Variants in RARB observed in about 807,000 individuals in gnomAD.
The protein encoded by RARB is HBV-activated protein.
A neutral mutation model predicts 51.9 loss-of-function variants in RARB; 17 were observed. That is an observed-to-expected ratio of 0.33 (90% CI 0.22 to 0.49). The LOEUF is 0.49. RARB is among the 20% of genes least tolerant of loss of function. RARB has a pLI of 0.99. For missense variants in RARB, 369 were observed against 550.8 expected (o/e 0.67, Z 3.30); for synonymous variants, 215 against 195.4 (o/e 1.10, Z -0.84).
intron 5 of RARB, among the ~76,000 whole-genome samples, chr3:25,369,456 A>T (rs1706233231): frequency 6.6e-6 from 1 of 152,208 alleles, no homozygotes; most frequent in African/African-American, 2.4e-5. Context: ...GATTCTGTGG[A>T]TAAGTCAATG....
intron 2 of RARB, among the ~76,000 whole-genome samples, chr3:24,906,478 G>A (rs1694866664): frequency 1.3e-5 from 2 of 152,118 alleles, no homozygotes; most frequent in South Asian, 4.1e-4. Flanking sequence ...AGTGTGAATT[G>A]GAATACTGCC....
At chr3:25,281,504 G>A (rs1703521756) in intron 5 of RARB, among the ~76,000 whole-genome samples, 2 of 152,196 alleles carry the variant, frequency 1.3e-5, no homozygotes, top group South Asian at 4.1e-4. Flanking sequence ...CACTTAACCT[G>A]TGCTTAATTG....
intron 3 of RARB, among the ~76,000 whole-genome samples, chr3:25,065,807 G>T (rs911344240): frequency 1.3e-5 from 2 of 152,208 alleles, no homozygotes; most frequent in Admixed American, 1.3e-4. Context: ...GGAAGGCAAT[G>T]GTGGCCATTG....
intron 4 of RARB, among the ~76,000 whole-genome samples, chr3:25,167,815 G>A (rs1017377105): frequency 3.0e-4 from 45 of 152,276 alleles, no homozygotes; most frequent in African/African-American, 1.0e-3. Context: ...TCCACCAGCA[G>A]CCCCAGCCTT....
intron 3 of RARB, among the ~76,000 whole-genome samples, chr3:25,507,925 T>C (rs1488719922): frequency 6.6e-6 from 1 of 152,090 alleles, no homozygotes; most frequent in East Asian, 1.9e-4. Context: ...AGAAACACCA[T>C]GGAAGGTACT....
intron 5 of RARB, among the ~76,000 whole-genome samples, chr3:25,403,876 T>C (rs1434549872): frequency 2.5e-5 from 3 of 119,338 alleles, no homozygotes; most frequent in African/African-American, 7.0e-5. Flanking sequence ...AAGCTGTGAA[T>C]TTCTTTTTCT....
At chr3:25,022,807 A>C (rs1414390332) in intron 2 of RARB, among the ~76,000 whole-genome samples, 1 of 152,208 alleles carries the variant, frequency 6.6e-6, no homozygotes, top group Non-Finnish European at 1.5e-5. Context: ...AAGAAGCAGC[A>C]TGGTGGGAAA....
intron 5 of RARB, among the ~76,000 whole-genome samples, chr3:25,346,842 A>G (rs952541211): frequency 2.8e-4 from 43 of 152,048 alleles, no homozygotes; most frequent in Admixed American, 2.8e-3. Flanking sequence ...TTGAGGGCCT[A>G]TTGGGGGATC....
At chr3:25,147,123 T>C (rs1337957988) in intron 4 of RARB, among the ~76,000 whole-genome samples, 4 of 152,116 alleles carry the variant, frequency 2.6e-5, no homozygotes, top group African/African-American at 9.7e-5. Context: ...GAAGATAAAA[T>C]TCATTGGGGG....
At chr3:25,242,610 A>C (rs992544462) in intron 5 of RARB, among the ~76,000 whole-genome samples, 7 of 152,012 alleles carry the variant, frequency 4.6e-5, no homozygotes, top group African/African-American at 1.7e-4. Context: ...CAAAGATCAG[A>C]TGGTTGTAGA....
intron 4 of RARB, among the ~76,000 whole-genome samples, chr3:25,173,486 C>T (rs572350975): frequency 2.0e-5 from 3 of 152,228 alleles, no homozygotes; most frequent in Non-Finnish European, 4.4e-5. Flanking sequence ...AGAAGTGATA[C>T]ATAATATTTT....
chr3:25,513,962 C>A (rs1445969060), intron 3 of RARB, among the ~76,000 whole-genome samples: 1 of 152,134 alleles, frequency 6.6e-6, no homozygotes, highest in African/African-American at 2.4e-5. Context: ...AACCTTAGTG[C>A]CCAAAGACAA....
chr3:24,971,240 T>A (rs1476699709), intron 2 of RARB, among the ~76,000 whole-genome samples: 1 of 151,992 alleles, frequency 6.6e-6, no homozygotes, highest in Non-Finnish European at 1.5e-5. Context: ...ATGGTTACCA[T>A]TATTATTCTT....
At chr3:25,430,592 T>G (rs1212668838) in intron 1 of RARB, among the ~76,000 whole-genome samples, 2 of 152,228 alleles carry the variant, frequency 1.3e-5, no homozygotes, top group Admixed American at 1.3e-4. Flanking sequence ...GGGAAAAGCT[T>G]TGTTTGTTCT....
chr3:25,539,563 AT>A (rs1334442183), intron 3 of RARB, among the ~76,000 whole-genome samples: 2 of 52,624 alleles, frequency 3.8e-5, no homozygotes, highest in Non-Finnish European at 7.3e-5. Flanking sequence ...TTTTTGGCCT[AT>A]TTTTTCCCCT....
intron 5 of RARB, among the ~76,000 whole-genome samples, chr3:25,344,119 C>G (rs982000993): frequency 6.6e-6 from 1 of 152,124 alleles, no homozygotes; most frequent in Admixed American, 6.5e-5. Context: ...TGTCACTTCT[C>G]CAAACTAATT....
Position 25,303,762 on chromosome 3 carries a change from T to A in RARB, c.178+129187T>A, listed in dbSNP as rs149025838. Reference sequence around the variant, plus strand: ...ATCACTGGAGGCATTTCAGTAAAGCTGCTTTGAGCACCGTAGAGCCACAGC... The same window carrying A: ...ATCACTGGAGGCATTTCAGTAAAGCAGCTTTGAGCACCGTAGAGCCACAGC... On this transcript the variant is annotated intron_variant, in intron 5 of 11. Transcript: ENST00000383772. 6.5e-3 allele frequency among the ~76,000 whole-genome samples: 991 copies of A among 152,338 alleles called. 7 individuals are homozygous for A. Among genetic ancestry groups the A allele is most frequent in the Non-Finnish European group, 9.8e-3 (668 of 68,026 alleles).
chr3:24,967,148 G>T (rs1014176374), intron 2 of RARB, among the ~76,000 whole-genome samples: 2 of 152,006 alleles, frequency 1.3e-5, no homozygotes, highest in Admixed American at 1.3e-4. Flanking sequence ...CTCTCGGCCC[G>T]TGGGCTTCCA....
intron 4 of RARB, among the ~76,000 whole-genome samples, chr3:25,161,629 A>G (rs1455830639): frequency 6.6e-6 from 1 of 152,116 alleles, no homozygotes; most frequent in Admixed American, 6.5e-5. Flanking sequence ...AATGTAAAAC[A>G]CTCATCATTC....
Sources: gnomAD v4.1 joint callset for allele counts (sites outside exome capture counted in the v4.1 genomes callset) on GRCh38, gnomAD v4.1.1 for gene constraint, MANE v1.5 for transcripts, NCBI Gene and HGNC (gene_info 2026-07-23, HGNC 2026-07-21) for gene names.